The following PPARGC1A variants were observed in gnomAD, a reference collection of about 807,000 sequenced individuals.
The protein encoded by PPARGC1A is peroxisome proliferator-activated receptor gamma coactivator 1-alpha.
Under a neutral mutation model 88.7 loss-of-function variants are expected in PPARGC1A, and 25 were observed. The ratio of observed to expected loss-of-function variants is 0.28; its 90% CI spans 0.21 to 0.39. PPARGC1A has a LOEUF of 0.39. Ranked by LOEUF, PPARGC1A falls within the 10% of genes least tolerant of loss-of-function variation. PPARGC1A has a pLI of 1.00. For synonymous variants in PPARGC1A, 363 were observed against 355.6 expected, an observed-to-expected ratio of 1.02 and a Z score of -0.24; for missense variants, 880 against 968.7, an observed-to-expected ratio of 0.91 and a Z score of 1.22.
the PPARGC1A span, among the ~76,000 whole-genome samples, chr4:23,948,962 G>C: frequency 6.6e-6 from 1 of 152,246 alleles, no homozygotes; most frequent in Non-Finnish European, 1.5e-5. Flanking sequence ...TAGCACCTAT[G>C]AGAATCATAA....
At chr4:24,142,338 G>C in the PPARGC1A span, among the ~76,000 whole-genome samples, 1 of 152,128 alleles carries the variant, frequency 6.6e-6, no homozygotes, top group Non-Finnish European at 1.5e-5. Context: ...GAAAAACAAG[G>C]TGGTGAAAGG....
the PPARGC1A span, among the ~76,000 whole-genome samples, chr4:24,166,033 G>A: frequency 6.6e-6 from 1 of 152,192 alleles, no homozygotes; most frequent in Non-Finnish European, 1.5e-5. Context: ...TGAATGCAGA[G>A]GAAAAGTTGT....
the PPARGC1A span, among the ~76,000 whole-genome samples, chr4:23,955,558 A>G: frequency 0.015 from 2,245 of 152,234 alleles, 51 homozygotes; most frequent in South Asian, 0.1. Context: ...AAGGTAGCTT[A>G]CAGTGAACGT....
At chr4:24,243,045 C>T in the PPARGC1A span, among the ~76,000 whole-genome samples, 1 of 152,152 alleles carries the variant, frequency 6.6e-6, no homozygotes, top group African/African-American at 2.4e-5. Flanking sequence ...ATTTCTGACT[C>T]ATGTCTTTCT....
intron 5 of PPARGC1A, chr4:23,825,372 C>G (rs1723748172): frequency 6.6e-6 from 1 of 151,952 alleles, no homozygotes; most frequent in Non-Finnish European, 1.5e-5. Flanking sequence ...AGGTTTATGT[C>G]AATTTTTTCT....
the PPARGC1A span, among the ~76,000 whole-genome samples, chr4:24,005,316 A>G: frequency 1.3e-5 from 2 of 152,140 alleles, no homozygotes; most frequent in East Asian, 3.9e-4. Context: ...GTAAATAGAA[A>G]CTTAAAATAG....
the PPARGC1A span, among the ~76,000 whole-genome samples, chr4:24,152,338 C>T: frequency 6.6e-6 from 1 of 152,122 alleles, no homozygotes; most frequent in Non-Finnish European, 1.5e-5. Flanking sequence ...TTCATGCAAA[C>T]ATTTATGGAA....
chr4:24,156,365 A>AT, the PPARGC1A span, among the ~76,000 whole-genome samples: 119 of 144,978 alleles, frequency 8.2e-4, 1 homozygote, highest in Middle Eastern at 3.6e-3. Context: ...CCCACTTGCT[A>AT]TTTTTTTTTT....
chr4:24,345,585 C>T, the PPARGC1A span, among the ~76,000 whole-genome samples: 1 of 151,960 alleles, frequency 6.6e-6, no homozygotes, highest in African/African-American at 2.4e-5. Context: ...TCTGCTTGGT[C>T]GCTTTTGGTG....
chr4:24,425,590 GA>G, the PPARGC1A span, among the ~76,000 whole-genome samples: 53 of 152,242 alleles, frequency 3.5e-4, no homozygotes, highest in South Asian at 8.7e-3. Context: ...GATGAAAACA[GA>G]AGATACAAGG....
At chr4:24,062,205 T>C in the PPARGC1A span, among the ~76,000 whole-genome samples, 1 of 152,202 alleles carries the variant, frequency 6.6e-6, no homozygotes, top group Non-Finnish European at 1.5e-5. Context: ...CCTTCCCTAG[T>C]AGTACTCAGG....
At chr4:23,970,461 C>A in the PPARGC1A span, among the ~76,000 whole-genome samples, 1 of 152,158 alleles carries the variant, frequency 6.6e-6, no homozygotes, top group African/African-American at 2.4e-5. Context: ...CCCAGCCTGG[C>A]CCCTCCAGTT....
rs997633912 is a variant in PPARGC1A, at chr4:23,795,163, T to C, written c.*659A>G. ...GTTATGAGAGAAAGCTTGCTTCAAG[T>C]TGATTCTGCACTTTCTTAAAAAAAC... is the stretch of plus-strand genomic sequence containing the variant. On this transcript the variant is annotated 3_prime_UTR_variant, in exon 13 of 13. Coordinates refer to ENST00000264867, the MANE Select transcript of PPARGC1A (RefSeq NM_013261.5). 2.0e-5 allele frequency: 3 copies of C among 151,774 alleles called. No homozygotes were observed. The highest frequency in any genetic ancestry group is 7.3e-5 in the African/African-American group (3 of 41,214). The allele number at this position is 151,774 out of a possible 1,614,324, so 9.4% of individuals were successfully genotyped here. A position where few individuals can be genotyped will look rare whatever the true frequency, so the allele number is the denominator to read the frequency against.
At chr4:24,245,925 G>GCACACACACACACA in the PPARGC1A span, among the ~76,000 whole-genome samples, 7 of 148,384 alleles carry the variant, frequency 4.7e-5, no homozygotes, top group African/African-American at 1.7e-4. Context: ...AAAGCCATGT[G>GCACACACACACACA]CACACACACA....
chr4:24,209,928 AAGG>A, the PPARGC1A span, among the ~76,000 whole-genome samples: 1 of 152,338 alleles, frequency 6.6e-6, no homozygotes, highest in South Asian at 2.1e-4. Flanking sequence ...ATTTAAACTC[AAGG>A]AGATCTAAGA....
At chr4:23,894,267 A>G (rs867345277), upstream of PPARGC1A, among the ~76,000 whole-genome samples, 17 of 152,282 alleles carry the variant, frequency 1.1e-4, no homozygotes, top group Middle Eastern at 0.01. Context: ...GTCATTGTTA[A>G]CAGGCATTCA....
chr4:23,828,533 C>T lies in PPARGC1A; in HGVS notation c.624G>A (p.Ser208=), dbSNP rs1290137486. Reference sequence around the variant, plus strand: ...TTGTGGTCAGATATTTGAGAAGCTCCGAGCAGGGACGTCTTTGTGGCTTTT... The same window carrying T: ...TTGTGGTCAGATATTTGAGAAGCTCTGAGCAGGGACGTCTTTGTGGCTTTT... ...QQQKPQRRPC[S]ELLKYLTTND... The change falls in exon 5 of 13, where the codon TCG becomes TCA. Residue 208 remains serine (S), a synonymous_variant. Coordinates refer to ENST00000264867, the MANE Select transcript of PPARGC1A (RefSeq NM_013261.5). 3.7e-6 allele frequency: 6 copies of T among 1,613,938 alleles called. No homozygotes were observed. Among genetic ancestry groups the T allele is most frequent in the African/African-American group, 1.3e-5 (1 of 74,894 alleles).
At chr4:24,192,708 AT>A in the PPARGC1A span, among the ~76,000 whole-genome samples, 1 of 152,262 alleles carries the variant, frequency 6.6e-6, no homozygotes, top group East Asian at 1.9e-4. Context: ...CTTAGAGAAT[AT>A]TGTAAATCAG....
At chr4:24,419,026 G>A in the PPARGC1A span, among the ~76,000 whole-genome samples, 1 of 152,012 alleles carries the variant, frequency 6.6e-6, no homozygotes, top group Admixed American at 6.6e-5. Context: ...AAGGTGTCTA[G>A]GTTTCAAATA....
Sources: allele counts gnomAD v4.1 joint callset (sites outside exome capture counted in the v4.1 genomes callset), GRCh38; gene constraint gnomAD v4.1.1; transcripts MANE v1.5; gene names NCBI Gene and HGNC (gene_info 2026-07-23, HGNC 2026-07-21).